Variants in TTC7B observed in about 807,000 individuals in gnomAD.
TTC7B encodes tetratricopeptide repeat protein 7B.
A neutral mutation model predicts 106.8 loss-of-function variants in TTC7B; 28 were observed. The ratio of observed to expected loss-of-function variants is 0.26; its 90% CI spans 0.19 to 0.36. The LOEUF (loss-of-function observed/expected upper bound fraction) is 0.36, where lower values mean the gene tolerates loss of function less well. Ranked by LOEUF, TTC7B falls within the 10% of genes least tolerant of loss-of-function variation. The probability of loss-of-function intolerance (pLI) is 1.00; values close to 1 mark genes in which losing one functional copy is unlikely to be tolerated. For synonymous variants in TTC7B, 405 were observed against 430.6 expected, an observed-to-expected ratio of 0.94 and a Z score of 0.74; for missense variants, 862 against 1,076.4, an observed-to-expected ratio of 0.80 and a Z score of 2.79.
chr14:90,626,302 G>A (rs1320372971), intron 15 of TTC7B, among the ~76,000 whole-genome samples: 1 of 152,166 alleles, frequency 6.6e-6, no homozygotes, highest in East Asian at 1.9e-4. Flanking sequence ...AATTCAGTGA[G>A]AATTCTGAAC....
At chr14:90,647,834 A>T (rs780545311) in intron 13 of TTC7B, among the ~76,000 whole-genome samples, 2 of 152,198 alleles carry the variant, frequency 1.3e-5, no homozygotes, top group African/African-American at 4.8e-5. Flanking sequence ...ACAAACTTCT[A>T]CTTTCTTTAA....
intron 18 of TTC7B, among the ~76,000 whole-genome samples, chr14:90,579,059 T>C (rs1891377796): frequency 6.6e-6 from 1 of 152,146 alleles, no homozygotes; most frequent in Non-Finnish European, 1.5e-5. Flanking sequence ...CTTTTGAGTG[T>C]TTCCAAGGGC....
Position 90,652,902 on chromosome 14 carries a change from A to G in TTC7B, c.1460-4T>C. On this transcript the variant is annotated splice_region_variant and splice_polypyrimidine_tract_variant and intron_variant, in intron 12 of 19. Transcript: ENST00000328459. ...TCCTGCATCCCTCGCAAAGAAGCTAAGAAAAGGGTTCAATTAGTCAGTGGC... is the reference window on the plus strand; with the variant it reads ...TCCTGCATCCCTCGCAAAGAAGCTAGGAAAAGGGTTCAATTAGTCAGTGGC... The G allele has an allele frequency of 6.2e-7, 1 of 1,614,236 alleles. No individual in the cohort carries two copies. The highest frequency in any genetic ancestry group is 8.5e-7 in the Non-Finnish European group (1 of 1,180,042).
intron 9 of TTC7B, among the ~76,000 whole-genome samples, chr14:90,662,087 C>A (rs1006524278): frequency 6.6e-6 from 1 of 152,208 alleles, no homozygotes; most frequent in Non-Finnish European, 1.5e-5. Flanking sequence ...AAGGAGAGGG[C>A]CCTTGTCATT....
chr14:90,668,230 C>A (rs1488741095), intron 9 of TTC7B, among the ~76,000 whole-genome samples: 6 of 152,134 alleles, frequency 3.9e-5, no homozygotes, highest in African/African-American at 1.4e-4. Flanking sequence ...TTAGATCAAT[C>A]CTTTCTAATA....
intron 17 of TTC7B, chr14:90,602,085 A>G: frequency 2.2e-6 from 1 of 455,370 alleles, no homozygotes; most frequent in Non-Finnish European, 4.4e-6. Context: ...GGTGGAATCA[A>G]CTCTTAAGGG....
chr14:90,811,687 C>T (rs559961955), intron 1 of TTC7B, among the ~76,000 whole-genome samples: 1 of 152,240 alleles, frequency 6.6e-6, no homozygotes, highest in Non-Finnish European at 1.5e-5. Flanking sequence ...GGCACCATTT[C>T]CCTACCTACC....
At chr14:90,641,364 A>G (rs1595235023) in intron 15 of TTC7B, among the ~76,000 whole-genome samples, 1 of 152,126 alleles carries the variant, frequency 6.6e-6, no homozygotes, top group East Asian at 1.9e-4. Context: ...AGGCCTGACT[A>G]CCCATCAGCT....
chr14:90,771,775 A>G (rs1023668297), intron 3 of TTC7B, among the ~76,000 whole-genome samples: 1 of 151,612 alleles, frequency 6.6e-6, no homozygotes, highest in African/African-American at 2.4e-5. Flanking sequence ...AATAGTAAAT[A>G]CATATAATGC....
At chr14:90,734,374 T>G (rs1184077281) in intron 4 of TTC7B, among the ~76,000 whole-genome samples, 1 of 149,130 alleles carries the variant, frequency 6.7e-6, no homozygotes, top group Non-Finnish European at 1.5e-5. Context: ...GAGCCAAGAT[T>G]GCGCCACTGC....
intron 17 of TTC7B, among the ~76,000 whole-genome samples, chr14:90,607,314 ACTGTGG>A (rs1376214397): frequency 1.3e-5 from 2 of 152,216 alleles, no homozygotes; most frequent in Admixed American, 6.5e-5. Flanking sequence ...GTGGAAGTTC[ACTGTGG>A]CTGTGGCTGT....
In TTC7B at chr14:90,572,466, T is replaced by C. The variant is rs182012977; in HGVS notation, c.2310+5640A>G. 1.6e-3 allele frequency among the ~76,000 whole-genome samples: 238 copies of C among 152,318 alleles called. 1 individual carries two copies. The highest frequency in any genetic ancestry group is 2.5e-3 in the Non-Finnish European group (170 of 68,024). On this transcript the variant is annotated intron_variant, in intron 19 of 19. Transcript: ENST00000328459. ...CACCTTCGGGTATTTCATAAGAAAA[T>C]GCATTTTTCAAACAGCTCGGCCAAT... is the stretch of plus-strand genomic sequence containing the variant.
intron 15 of TTC7B, among the ~76,000 whole-genome samples, chr14:90,641,933 G>A (rs1315066928): frequency 1.5e-5 from 2 of 135,474 alleles, no homozygotes; most frequent in East Asian, 2.2e-4. Flanking sequence ...GTGTGTGTGT[G>A]CGTGTGTGTG....
intron 5 of TTC7B, among the ~76,000 whole-genome samples, chr14:90,706,854 C>T (rs981572922): frequency 9.0e-4 from 137 of 152,274 alleles, no homozygotes; most frequent in African/African-American, 3.2e-3. Context: ...GTCACCTTAG[C>T]GAGAACTCTC....
At chr14:90,705,314 C>T (rs1240564112) in intron 5 of TTC7B, among the ~76,000 whole-genome samples, 1 of 152,124 alleles carries the variant, frequency 6.6e-6, no homozygotes. Context: ...CTCATTATTC[C>T]AGATGATCTG....
intron 19 of TTC7B, among the ~76,000 whole-genome samples, chr14:90,555,476 C>T (rs193032867): frequency 2.4e-4 from 37 of 152,270 alleles, no homozygotes; most frequent in South Asian, 1.9e-3. Context: ...ATCGCGTGCA[C>T]GCTGAGGGGT....
chr14:90,665,605 C>T (rs1035738615), intron 9 of TTC7B, among the ~76,000 whole-genome samples: 1 of 152,236 alleles, frequency 6.6e-6, no homozygotes, highest in African/African-American at 2.4e-5. Flanking sequence ...GAGTAAGATT[C>T]TGCATCCAAA....
intron 17 of TTC7B, among the ~76,000 whole-genome samples, chr14:90,605,439 C>T (rs1892598328): frequency 6.6e-6 from 1 of 152,192 alleles, no homozygotes; most frequent in South Asian, 2.1e-4. Flanking sequence ...TCTCAGGTTT[C>T]CTTCTGCCCC....
chr14:90,686,564 T>A (rs1887259282), intron 7 of TTC7B, among the ~76,000 whole-genome samples: 1 of 152,132 alleles, frequency 6.6e-6, no homozygotes, highest in East Asian at 1.9e-4. Context: ...GATGACACAA[T>A]CTTGATATAG....
Sources: gnomAD v4.1 joint callset for allele counts (sites outside exome capture counted in the v4.1 genomes callset) on GRCh38, gnomAD v4.1.1 for gene constraint, MANE v1.5 for transcripts, NCBI Gene and HGNC (gene_info 2026-07-23, HGNC 2026-07-21) for gene names.